The following IFT74 variants were observed in gnomAD, a reference collection of about 807,000 sequenced individuals.
The protein encoded by IFT74 is intraflagellar transport protein 74 homolog.
In IFT74, 92 loss-of-function variants were observed where a neutral mutation model predicts 96.7. That is an observed-to-expected ratio of 0.95 (90% CI 0.80 to 1.13). The LOEUF (loss-of-function observed/expected upper bound fraction) is 1.13. IFT74 is among the 50% of genes most tolerant of loss of function. The pLI, the probability that IFT74 is intolerant of heterozygous loss-of-function variation, is 0.00. For synonymous variants in IFT74, 223 were observed against 213.2 expected, an observed-to-expected ratio of 1.05 and a Z score of -0.40; for missense variants, 811 against 698.2, an observed-to-expected ratio of 1.16 and a Z score of -1.82.
At chr9:26,962,449 G>C (rs1826407527) in intron 2 of IFT74, among the ~76,000 whole-genome samples, 1 of 152,186 alleles carries the variant, frequency 6.6e-6, no homozygotes, top group Non-Finnish European at 1.5e-5. Context: ...AATAATTTTA[G>C]TTGAATAGTG....
intron 8 of IFT74, chr9:27,005,490 C>T (rs1458255778): frequency 1.3e-5 from 2 of 151,248 alleles, no homozygotes; most frequent in African/African-American, 4.9e-5. Context: ...TCTTATTTTT[C>T]ATCACTTCTT....
chr9:26,995,882 G>T (rs1375758803), intron 8 of IFT74: 16 of 1,495,664 alleles, frequency 1.1e-5, no homozygotes, highest in Non-Finnish European at 1.4e-5. Context: ...GAGAGAGAAA[G>T]AAAATTTGTT....
At chr9:26,981,296 G>C (rs1015425162) in intron 4 of IFT74, among the ~76,000 whole-genome samples, 1 of 152,120 alleles carries the variant, frequency 6.6e-6, no homozygotes, top group Admixed American at 6.5e-5. Context: ...GCCCAGGCTG[G>C]AGTGCAGTGG....
intron 2 of IFT74, among the ~76,000 whole-genome samples, chr9:26,977,448 G>A (rs1009216931): frequency 5.3e-5 from 8 of 152,078 alleles, no homozygotes; most frequent in Non-Finnish European, 8.8e-5. Flanking sequence ...AAACAAAAAC[G>A]GAATTATAAA....
At chr9:26,982,270 T>G (rs913188836) in intron 4 of IFT74, 3 of 252,890 alleles carry the variant, frequency 1.2e-5, no homozygotes, top group Non-Finnish European at 2.2e-5. Context: ...TAAGCTTTTT[T>G]TCTTTTTTTT....
chr9:26,971,558 G>T (rs73434000), intron 2 of IFT74, among the ~76,000 whole-genome samples: 2,058 of 152,208 alleles, frequency 0.014, 45 homozygotes, highest in African/African-American at 0.046. Flanking sequence ...AGAAAATGGG[G>T]ACTGTGGTAG....
In IFT74 at chr9:27,056,478, G is replaced by T. The variant is rs1217637646; in HGVS notation, c.1623+19G>T. 3 of 1,578,752 alleles carry T rather than the reference G, an allele frequency of 1.9e-6. No homozygotes were observed. Among genetic ancestry groups the T allele is most frequent in the East Asian group, 4.6e-5 (2 of 43,558 alleles). On this transcript the variant is annotated intron_variant, in intron 18 of 19. Transcript: ENST00000380062. ...TTCTCAGGTAAAAAATGTTTTAAAT[G>T]ACTTTGAAATTGTCTTAGTCTATAT... is the stretch of plus-strand genomic sequence containing the variant.
intron 7 of IFT74, among the ~76,000 whole-genome samples, chr9:26,989,688 G>A (rs762531556): frequency 1.3e-3 from 205 of 152,176 alleles, no homozygotes; most frequent in Non-Finnish European, 2.5e-3. Flanking sequence ...TTTGTCAGTT[G>A]TTTGGGATGG....
Position 26,997,251 on chromosome 9 carries a change from T to TG in IFT74, c.587+7060dup, listed in dbSNP as rs1828207005. Among the ~76,000 whole-genome samples the TG allele has an allele frequency of 1.5e-4, 22 of 151,418 alleles. 1 individual carries two copies. In the South Asian group the frequency reaches 4.6e-3, roughly 32 times the overall value. On this transcript the variant is annotated intron_variant, in intron 8 of 19. Transcript: ENST00000380062. ...ATTTCTTAATTTTTCCCCCTGGTAA[T>TG]GGGGAAGGAGAGCATCTATGCAGCT...
chr9:26,998,042 C>A, intron 8 of IFT74: 2 of 1,613,628 alleles, frequency 1.2e-6, no homozygotes, highest in Non-Finnish European at 1.7e-6. Context: ...GGAGAGGTTA[C>A]CAAAACCGTT....
chr9:26,980,534 C>G, intron 3 of IFT74, 37 bp from the exon 4 acceptor site: 1 of 1,372,338 alleles, frequency 7.3e-7, no homozygotes, highest in African/African-American at 1.4e-5. Context: ...GGTGGCATTT[C>G]GAACTGAACA....
chr9:26,991,384 C>T (rs1827859892), intron 8 of IFT74, among the ~76,000 whole-genome samples: 1 of 152,030 alleles, frequency 6.6e-6, no homozygotes, highest in South Asian at 2.1e-4. Flanking sequence ...CTATGCCCAG[C>T]TAATTTTTTG....
intron 18 of IFT74, among the ~76,000 whole-genome samples, chr9:27,057,349 G>A (rs534668827): frequency 2.0e-5 from 3 of 152,248 alleles, no homozygotes; most frequent in Admixed American, 1.3e-4. Context: ...ACGGGACAGA[G>A]ACAATGTCTG....
At chr9:27,053,865 C>A (rs1820041618) in intron 16 of IFT74, among the ~76,000 whole-genome samples, 1 of 152,146 alleles carries the variant, frequency 6.6e-6, no homozygotes. Flanking sequence ...ATAGCATAAG[C>A]CTTAGTCACT....
Position 27,017,008 on chromosome 9 carries a change from C to T in IFT74, c.891C>T (p.Ser297=). 6.2e-7 allele frequency: 1 copy of T among 1,608,786 alleles called. No individual in the cohort carries two copies. Among genetic ancestry groups the T allele is most frequent in the South Asian group, 1.1e-5 (1 of 89,930 alleles). ...ATCAAATGATTGCAGAAGACAAAAGCATAGGATCTCCAATGGAAGAGAGAG... is the reference window on the plus strand; with the variant it reads ...ATCAAATGATTGCAGAAGACAAAAGTATAGGATCTCCAATGGAAGAGAGAG... The part of the protein sequence containing the change: ...HRDQMIAEDK[S]IGSPMEEREK... Residue 297 remains serine (S), a synonymous_variant, in exon 11 of 20, where the codon AGC becomes AGT. Coordinates refer to ENST00000380062, the MANE Select transcript of IFT74 (RefSeq NM_025103.4).
At chr9:27,022,789 C>A (rs1468176530) in intron 12 of IFT74, among the ~76,000 whole-genome samples, 1 of 151,912 alleles carries the variant, frequency 6.6e-6, no homozygotes, top group Admixed American at 6.6e-5. Flanking sequence ...ACTAAAGGCA[C>A]GTGCCACCAC....
rs58812767 is a variant in IFT74 at position 26,978,753 on chromosome 9, T to C, written c.256+490T>C. Among the ~76,000 whole-genome samples the C allele has an allele frequency of 3.3e-3, 509 of 152,276 alleles. 24 individuals carry two copies. In the East Asian group the frequency reaches 0.09, roughly 27 times the overall value. On this transcript the variant is annotated intron_variant, in intron 3 of 19. Transcript: ENST00000380062. ...TTTATGAGAAGTGAGTCAAGAAATG[T>C]TACTTTTTTTCTGATAATTAGCATC...
At position 27,063,939 on chromosome 9, in the gene IFT74, C is replaced by T. The variant is rs1478861078; in HGVS notation, c.*1203C>T. On this transcript the variant is annotated 3_prime_UTR_variant, in exon 20 of 20. Coordinates refer to ENST00000380062, the MANE Select transcript of IFT74 (RefSeq NM_025103.4). Reference sequence around the variant, plus strand: ...AATGTGTTCCATAAATCCTGAGCATCTTGAGTTATTAATAGTGTTATGCCT... The same window carrying T: ...AATGTGTTCCATAAATCCTGAGCATTTTGAGTTATTAATAGTGTTATGCCT... Among the ~76,000 whole-genome samples the T allele has an allele frequency of 1.3e-5, 2 of 152,058 alleles. No individual in the cohort carries two copies. The highest frequency in any genetic ancestry group is 4.8e-5 in the African/African-American group (2 of 41,430).
intron 1 of IFT74, among the ~76,000 whole-genome samples, chr9:26,957,696 A>G (rs1292918486): frequency 2.0e-5 from 3 of 152,252 alleles, no homozygotes; most frequent in Non-Finnish European, 4.4e-5. Context: ...GAAGCAGTCC[A>G]AGGACTGATT....
Sources: gnomAD v4.1 joint callset for allele counts (sites outside exome capture counted in the v4.1 genomes callset) on GRCh38, gnomAD v4.1.1 for gene constraint, MANE v1.5 for transcripts, NCBI Gene and HGNC (gene_info 2026-07-23, HGNC 2026-07-21) for gene names.